The following LARGE1 variants were observed in gnomAD, a reference collection of about 807,000 sequenced individuals.
The protein encoded by LARGE1 is xylosyl- and glucuronyltransferase LARGE1.
A neutral mutation model predicts 87.6 loss-of-function variants in LARGE1; 43 were observed. The ratio of observed to expected loss-of-function variants is 0.49; its 90% CI spans 0.38 to 0.63. The LOEUF is 0.63. LARGE1 is among the 30% of genes least tolerant of loss of function. LARGE1 has a pLI of 0.00. For missense variants in LARGE1, 802 were observed against 1,000.2 expected (o/e 0.80, Z 2.67); for synonymous variants, 434 against 394.6 (o/e 1.10, Z -1.18).
At chr22:33,297,065 C>T (rs1933386038) in intron 12 of LARGE1, among the ~76,000 whole-genome samples, 1 of 152,066 alleles carries the variant, frequency 6.6e-6, no homozygotes, top group Non-Finnish European at 1.5e-5. Flanking sequence ...ATGAATGGGC[C>T]CAAGGAAATG....
At chr22:33,080,160 G>A in the LARGE1 span, among the ~76,000 whole-genome samples, 28 of 152,262 alleles carry the variant, frequency 1.8e-4, no homozygotes, top group African/African-American at 5.8e-4. Context: ...TCTTAGCTTC[G>A]ACATTCACTG....
chr22:33,459,958 C>A (rs1173909155), intron 6 of LARGE1, among the ~76,000 whole-genome samples: 1 of 152,216 alleles, frequency 6.6e-6, no homozygotes, highest in Non-Finnish European at 1.5e-5. Flanking sequence ...TGGATGGGCA[C>A]TGATAAGTGC....
the LARGE1 span, among the ~76,000 whole-genome samples, chr22:33,109,953 C>T: frequency 6.3e-4 from 96 of 152,154 alleles, no homozygotes; most frequent in African/African-American, 1.8e-3. Flanking sequence ...TCTGTAGAAC[C>T]GTGAGCCAAA....
chr22:33,785,417 C>T (rs945219236), intron 1 of LARGE1, among the ~76,000 whole-genome samples: 1 of 152,050 alleles, frequency 6.6e-6, no homozygotes, highest in African/African-American at 2.4e-5. Context: ...AACAGTATCT[C>T]ACCCCAGGCC....
intron 6 of LARGE1, among the ~76,000 whole-genome samples, chr22:33,449,333 AG>A (rs2067818507): frequency 6.6e-6 from 1 of 152,230 alleles, no homozygotes; most frequent in South Asian, 2.1e-4. Context: ...GCAAAGAGGA[AG>A]GGAACGCAGA....
At chr22:33,776,067 A>T (rs554163822) in intron 1 of LARGE1, among the ~76,000 whole-genome samples, 1 of 152,282 alleles carries the variant, frequency 6.6e-6, no homozygotes, top group South Asian at 2.1e-4. Flanking sequence ...GGTTCCAAGG[A>T]TGTTTCAACC....
intron 1 of LARGE1, among the ~76,000 whole-genome samples, chr22:33,897,613 C>A (rs768955712): frequency 6.6e-6 from 1 of 152,172 alleles, no homozygotes; most frequent in Admixed American, 6.5e-5. Flanking sequence ...ATGAAGCCAG[C>A]GGAACCTACA....
At chr22:33,922,782 G>A (rs2065980579), upstream of LARGE1, 1 of 152,196 alleles carries the variant, frequency 6.6e-6, no homozygotes, top group South Asian at 2.1e-4. Context: ...TTAGCTCGAA[G>A]GCTGCTCAGT....
At chr22:33,511,374 T>C (rs1314683487) in intron 6 of LARGE1, among the ~76,000 whole-genome samples, 1 of 152,172 alleles carries the variant, frequency 6.6e-6, no homozygotes, top group Non-Finnish European at 1.5e-5. Context: ...AGGGTGATAT[T>C]TCCCTGGCAT....
chr22:33,574,089 G>A (rs539736541), intron 5 of LARGE1, among the ~76,000 whole-genome samples: 6 of 152,248 alleles, frequency 3.9e-5, no homozygotes, highest in African/African-American at 1.4e-4. Context: ...AGACATGGGA[G>A]TGAATGAATG....
At chr22:33,738,449 C>CA (rs2083740478) in intron 2 of LARGE1, among the ~76,000 whole-genome samples, 1 of 152,152 alleles carries the variant, frequency 6.6e-6, no homozygotes, top group Non-Finnish European at 1.5e-5. Context: ...TCAGATGGCT[C>CA]AGATGGGAGG....
intron 11 of LARGE1, among the ~76,000 whole-genome samples, chr22:33,168,112 C>T (rs1922371587): frequency 6.6e-6 from 1 of 152,148 alleles, no homozygotes; most frequent in African/African-American, 2.4e-5. Flanking sequence ...AAGGCTTGGA[C>T]CCGTCTCTGA....
At chr22:33,654,740 C>T (rs901115259) in intron 2 of LARGE1, among the ~76,000 whole-genome samples, 5 of 152,148 alleles carry the variant, frequency 3.3e-5, no homozygotes, top group South Asian at 4.1e-4. Context: ...CCATTACATA[C>T]GATTTTATGG....
At chr22:33,457,097 T>C (rs941719280) in intron 6 of LARGE1, among the ~76,000 whole-genome samples, 36 of 152,140 alleles carry the variant, frequency 2.4e-4, no homozygotes, top group African/African-American at 8.7e-4. Flanking sequence ...AGAATGTATC[T>C]GTCTAACAAC....
intron 6 of LARGE1, among the ~76,000 whole-genome samples, chr22:33,434,757 C>A (rs1373357179): frequency 6.6e-6 from 1 of 152,140 alleles, no homozygotes; most frequent in Non-Finnish European, 1.5e-5. Context: ...ACACTTTATT[C>A]CTGCCAAACA....
chr22:33,141,186 TCTCTCTCTCACACA>T, the LARGE1 span, among the ~76,000 whole-genome samples: 2 of 146,554 alleles, frequency 1.4e-5, no homozygotes, highest in Non-Finnish European at 3.0e-5. Context: ...TCTCTCTCTC[TCTCTCTCTCACACA>T]CACACACACA....
At chr22:33,858,655 C>T (rs2063826422) in intron 1 of LARGE1, among the ~76,000 whole-genome samples, 1 of 152,116 alleles carries the variant, frequency 6.6e-6, no homozygotes, top group Non-Finnish European at 1.5e-5. Context: ...TCTTAGTTGG[C>T]CTAGGAAATC....
At chr22:33,252,176 C>G (rs1397945097) in intron 11 of LARGE1, among the ~76,000 whole-genome samples, 1 of 151,936 alleles carries the variant, frequency 6.6e-6, no homozygotes, top group Middle Eastern at 3.2e-3. Flanking sequence ...ATCAAATAAA[C>G]CTTTGATAAC....
chr22:33,556,746 G>A (rs995562947), intron 6 of LARGE1, among the ~76,000 whole-genome samples: 1 of 151,706 alleles, frequency 6.6e-6, no homozygotes, highest in Non-Finnish European at 1.5e-5. Context: ...AGTGGCTCAC[G>A]CCTGTAATCC....
Sources: allele counts gnomAD v4.1 joint callset (sites outside exome capture counted in the v4.1 genomes callset), GRCh38; gene constraint gnomAD v4.1.1; transcripts MANE v1.5; gene names NCBI Gene and HGNC (gene_info 2026-07-23, HGNC 2026-07-21).